The following CDC42BPA variants were observed in gnomAD, a reference collection of about 807,000 sequenced individuals.
The protein encoded by CDC42BPA is serine/threonine-protein kinase MRCK alpha.
In CDC42BPA, 80 loss-of-function variants were observed where a neutral mutation model predicts 223.5. The observed-to-expected ratio is 0.36, with a 90% CI of 0.30 to 0.43. The LOEUF is 0.43. Ranked by LOEUF, CDC42BPA falls within the 20% of genes least tolerant of loss-of-function variation. The pLI is 1.00. For missense variants in CDC42BPA, 1,743 were observed against 2,099.9 expected (o/e 0.83, Z 3.32); for synonymous variants, 694 against 718.6 (o/e 0.97, Z 0.55).
At chr1:227,156,886 A>G (rs1211568268) in intron 6 of CDC42BPA, among the ~76,000 whole-genome samples, 2 of 152,116 alleles carry the variant, frequency 1.3e-5, no homozygotes, top group African/African-American at 4.8e-5. Flanking sequence ...CAAATTCCAG[A>G]TGCTAAAGCC....
chr1:227,233,724 G>A (rs564741155), intron 2 of CDC42BPA, among the ~76,000 whole-genome samples: 1 of 152,256 alleles, frequency 6.6e-6, no homozygotes, highest in South Asian at 2.1e-4. Context: ...CCTGAGGTCA[G>A]GAGTTTGAGA....
chr1:227,296,578 T>C (rs1486958898), intron 1 of CDC42BPA, among the ~76,000 whole-genome samples: 1 of 151,852 alleles, frequency 6.6e-6, no homozygotes, highest in Non-Finnish European at 1.5e-5. Context: ...TGGTGTCACA[T>C]GCCTGTAATC....
rs1320488257 is a variant in CDC42BPA, at chr1:227,081,862, ATCTC to A, written c.2356-849_2356-846del. ...CTGTATGTATCTCTAAAGAATAAGGATCTCTCTTTTAAAATATAACCACGATAGC... is the reference window on the plus strand; with the variant it reads ...CTGTATGTATCTCTAAAGAATAAGGATCTTTTAAAATATAACCACGATAGC... On this transcript the variant is annotated intron_variant, in intron 16 of 36. Transcript: ENST00000366766. 2.6e-5 allele frequency among the ~76,000 whole-genome samples: 4 copies of A among 152,302 alleles called. No homozygotes were observed. The East Asian group carries it at 7.7e-4, about 29-fold the overall frequency.
intron 1 of CDC42BPA, among the ~76,000 whole-genome samples, chr1:227,302,036 T>C (rs929204164): frequency 1.3e-5 from 2 of 152,212 alleles, no homozygotes; most frequent in Non-Finnish European, 2.9e-5. Context: ...AAGTCTGTCC[T>C]GAAACCTTCT....
intron 2 of CDC42BPA, among the ~76,000 whole-genome samples, chr1:227,241,892 A>G (rs1277714446): frequency 1.3e-5 from 2 of 152,144 alleles, no homozygotes; most frequent in African/African-American, 4.8e-5. Flanking sequence ...TGGCATTATT[A>G]AAAAGAAATA....
chr1:227,125,160 C>A (rs1047666681), intron 11 of CDC42BPA, among the ~76,000 whole-genome samples: 9 of 150,618 alleles, frequency 6.0e-5, no homozygotes, highest in African/African-American at 2.0e-4. Context: ...GAAAGACAGA[C>A]AACTCACAGA....
chr1:227,247,426 C>T (rs1681180970), intron 2 of CDC42BPA, among the ~76,000 whole-genome samples: 1 of 152,020 alleles, frequency 6.6e-6, no homozygotes, highest in Non-Finnish European at 1.5e-5. Flanking sequence ...ACTTAGGAGG[C>T]GGAGGTTGCA....
chr1:227,086,228 C>A (rs1392430317), intron 16 of CDC42BPA, among the ~76,000 whole-genome samples: 1 of 152,020 alleles, frequency 6.6e-6, no homozygotes, highest in East Asian at 1.9e-4. Context: ...TTATCATGCA[C>A]CATTGATAAA....
chr1:227,211,272 T>TG (rs1434751157), intron 3 of CDC42BPA, among the ~76,000 whole-genome samples: 1 of 152,074 alleles, frequency 6.6e-6, no homozygotes, highest in African/African-American at 2.4e-5. Flanking sequence ...TAATTACCTC[T>TG]GGGGGGATGC....
At chr1:227,167,134 G>T (rs1481590315) in intron 5 of CDC42BPA, among the ~76,000 whole-genome samples, 2 of 152,056 alleles carry the variant, frequency 1.3e-5, no homozygotes, top group African/African-American at 2.4e-5. Flanking sequence ...AGGCCTCCTA[G>T]AAAATGTTTT....
intron 29 of CDC42BPA, among the ~76,000 whole-genome samples, chr1:227,029,690 T>C (rs1668900139): frequency 6.6e-6 from 1 of 152,234 alleles, no homozygotes; most frequent in African/African-American, 2.4e-5. Flanking sequence ...CCAAGTTATA[T>C]TGGTTTCTCT....
In CDC42BPA at chr1:227,160,621, G is replaced by T; in HGVS notation, c.615C>A (p.Asp205Glu). 1.3e-6 allele frequency: 2 copies of T among 1,593,500 alleles called. No homozygotes were observed. The highest frequency in any genetic ancestry group is 1.7e-6 in the Non-Finnish European group (2 of 1,164,068). The change falls in exon 6 of 37, where the codon GAC (aspartate) becomes GAA (glutamate). Residue 205 changes from aspartate (D) to glutamate (E), a missense_variant. This residue lies in a region of CDC42BPA where 321 missense variants were observed against 488.7 expected (regional missense o/e 0.66). Coordinates refer to ENST00000366766, the MANE Select transcript of CDC42BPA (RefSeq NM_001394014.1). ...GTCCATTCATATCCATCAGTATATT[G>T]TCAGGTTTAATGTCTCTGAAAAAAT... ...LHYVHRDIKP[D>E]NILMDMNGHI... is the part of the protein sequence containing the mutation.
chr1:227,156,870 T>A (rs1662916940), intron 6 of CDC42BPA, among the ~76,000 whole-genome samples: 1 of 152,150 alleles, frequency 6.6e-6, no homozygotes, highest in South Asian at 2.1e-4. Context: ...TCTGGAATGG[T>A]GGCCCCAAAT....
At chr1:227,253,640 ATACATACATTCATACAT>A (rs1682541715) in intron 2 of CDC42BPA, among the ~76,000 whole-genome samples, 1 of 116,770 alleles carries the variant, frequency 8.6e-6, no homozygotes, top group African/African-American at 3.3e-5. Flanking sequence ...ACATACATAC[ATACATACATTCATACAT>A]AAAATAAAAT....
At chr1:227,253,246 G>C (rs1014421769) in intron 2 of CDC42BPA, among the ~76,000 whole-genome samples, 11 of 139,128 alleles carry the variant, frequency 7.9e-5, no homozygotes, top group African/African-American at 3.0e-4. Flanking sequence ...GAGAAAGAGA[G>C]CGAGAGAGAG....
chr1:227,168,498 T>TTTTTTTTTTTTGTTTTTG (rs1553374269), intron 5 of CDC42BPA, among the ~76,000 whole-genome samples: 1 of 25,414 alleles, frequency 3.9e-5, no homozygotes, highest in African/African-American at 1.8e-4. Context: ...TTCCCTGGTG[T>TTTTTTTTTTTTGTTTTTG]TTTTTTTTTT....
chr1:227,171,956 G>A (rs553687058), intron 5 of CDC42BPA, among the ~76,000 whole-genome samples: 3 of 151,856 alleles, frequency 2.0e-5, no homozygotes, highest in African/African-American at 2.4e-5. Context: ...TCTCCCATTC[G>A]GTTCCTTTTT....
intron 1 of CDC42BPA, among the ~76,000 whole-genome samples, chr1:227,276,026 C>A (rs1015006637): frequency 2.0e-5 from 3 of 152,234 alleles, no homozygotes; most frequent in Non-Finnish European, 2.9e-5. Flanking sequence ...GCCGCCACCC[C>A]CTCTGGGAAG....
At chr1:227,286,610 C>G (rs576936408) in intron 1 of CDC42BPA, among the ~76,000 whole-genome samples, 1 of 152,292 alleles carries the variant, frequency 6.6e-6, no homozygotes, top group East Asian at 1.9e-4. Context: ...AAGCCACTTC[C>G]ACATTTTCAG....
Sources: allele counts gnomAD v4.1 joint callset (sites outside exome capture counted in the v4.1 genomes callset), GRCh38; gene constraint gnomAD v4.1.1; regional missense constraint gnomAD v4.1.1; transcripts MANE v1.5; gene names NCBI Gene and HGNC (gene_info 2026-07-23, HGNC 2026-07-21).